FGF13: variants seen among roughly 807,000 people sequenced by gnomAD.
FGF13 encodes fibroblast growth factor 13, also known as fibroblast growth factor homologous factor 2.
In FGF13, 2 loss-of-function variants were observed where a neutral mutation model predicts 19.5. The observed-to-expected ratio is 0.10, with a 90% CI of 0.04 to 0.32. The LOEUF is 0.32. Among genes scored for constraint, FGF13 ranks in the 10% least tolerant of loss-of-function variants. The pLI, the probability that FGF13 is intolerant of heterozygous loss-of-function variation, is 1.00. For synonymous variants in FGF13, 72 were observed against 76.9 expected (o/e 0.94, Z 0.33); for missense variants, 113 against 192.7 (o/e 0.59, Z 2.45).
At chrX:138,739,106 C>T (rs2090301353) in intron 1 of FGF13, 1 of 431,314 alleles carries the variant, frequency 2.3e-6, no homozygotes, top group Admixed American at 3.9e-5. Context: ...TCAAGAACCC[C>T]TGTCCCATCC....
At chrX:139,143,856 C>G (rs2083866148) in intron 1 of FGF13, among the ~76,000 whole-genome samples, 1 of 111,722 alleles carries the variant, frequency 9.0e-6, no homozygotes, top group Non-Finnish European at 1.9e-5. Flanking sequence ...TACATACTAG[C>G]TGATCACATA....
chrX:139,057,946 T>C (rs2092324937), intron 1 of FGF13, among the ~76,000 whole-genome samples: 1 of 111,960 alleles, frequency 8.9e-6, no homozygotes, highest in Non-Finnish European at 1.9e-5. Context: ...TCTTTCTTTA[T>C]ATGGGTGCTG....
intron 1 of FGF13, among the ~76,000 whole-genome samples, chrX:139,022,888 T>C: frequency 9.0e-6 from 1 of 111,706 alleles, no homozygotes; most frequent in Non-Finnish European, 1.9e-5. Context: ...TCTAGTGATG[T>C]TACTTTTCAG....
chrX:138,903,619 C>T (rs1350312880), intron 1 of FGF13, among the ~76,000 whole-genome samples: 1 of 111,515 alleles, frequency 9.0e-6, no homozygotes, highest in African/African-American at 3.3e-5. Context: ...TAGCTCCACA[C>T]CCATGATCTT....
chrX:138,992,448 C>A (rs917702672), intron 1 of FGF13, among the ~76,000 whole-genome samples: 6 of 110,657 alleles, frequency 5.4e-5, no homozygotes, highest in African/African-American at 2.0e-4. Context: ...AGGAAATCAC[C>A]CATATTTTCT....
intron 3 of FGF13, among the ~76,000 whole-genome samples, chrX:138,665,270 G>A (rs1163507405): frequency 9.0e-6 from 1 of 111,195 alleles, no homozygotes; most frequent in African/African-American, 3.3e-5. Context: ...AAGTATCATA[G>A]GGATTCCACG....
At chrX:138,936,146 G>A (rs955559819) in intron 1 of FGF13, among the ~76,000 whole-genome samples, 13 of 112,480 alleles carry the variant, frequency 1.2e-4, no homozygotes, top group South Asian at 7.5e-4. Context: ...CTCTTGGGGC[G>A]AAGGCCCCAC....
chrX:139,064,805 A>G (rs1037000357), intron 1 of FGF13, among the ~76,000 whole-genome samples: 14 of 111,691 alleles, frequency 1.3e-4, no homozygotes, highest in African/African-American at 4.6e-4. Flanking sequence ...TTTCAGGAAC[A>G]CCAATCAAAT....
intron 3 of FGF13, among the ~76,000 whole-genome samples, chrX:138,782,415 C>T (rs1316571113): frequency 9.0e-6 from 1 of 110,686 alleles, no homozygotes; most frequent in Admixed American, 9.6e-5. Flanking sequence ...TAGAAAACCC[C>T]ATTGTCTCAG....
At chrX:139,111,661 GCTAT>G (rs1443811136) in intron 1 of FGF13, among the ~76,000 whole-genome samples, 2 of 111,512 alleles carry the variant, frequency 1.8e-5, no homozygotes, top group African/African-American at 3.3e-5. Context: ...GTTTATGAAT[GCTAT>G]CTATTTCTAG....
At chrX:138,692,714 G>GTGTGTA (rs1261379117) in intron 3 of FGF13, among the ~76,000 whole-genome samples, 2 of 108,724 alleles carry the variant, frequency 1.8e-5, no homozygotes, top group Non-Finnish European at 3.9e-5. Context: ...GTGTGTGCAT[G>GTGTGTA]TGTGTATGTG....
At chrX:138,759,378 T>C (rs1326322779) in intron 3 of FGF13, among the ~76,000 whole-genome samples, 2 of 112,463 alleles carry the variant, frequency 1.8e-5, no homozygotes, top group Non-Finnish European at 3.8e-5. Flanking sequence ...AGGGAGCTAT[T>C]TATAGTAAGC....
chrX:139,167,850 T>C (rs750328640), intron 1 of FGF13, among the ~76,000 whole-genome samples: 3 of 112,395 alleles, frequency 2.7e-5, no homozygotes, highest in Non-Finnish European at 5.6e-5. Context: ...AGGACTCCTT[T>C]CAAACAGTAA....
intron 3 of FGF13, among the ~76,000 whole-genome samples, chrX:138,676,360 G>T (rs1394517810): frequency 9.0e-6 from 1 of 111,052 alleles, no homozygotes; most frequent in Non-Finnish European, 1.9e-5. Flanking sequence ...TAAGTTTAGG[G>T]GCCATTCAGG....
chrX:139,156,299 A>C (rs1333756744), intron 1 of FGF13, among the ~76,000 whole-genome samples: 1 of 111,479 alleles, frequency 9.0e-6, no homozygotes, highest in African/African-American at 3.3e-5. Context: ...CTCACATTCT[A>C]TGGGGACAGG....
At chrX:138,907,671 T>C (rs1348835176) in intron 1 of FGF13, among the ~76,000 whole-genome samples, 1 of 111,850 alleles carries the variant, frequency 8.9e-6, no homozygotes, top group Non-Finnish European at 1.9e-5. Flanking sequence ...TTGAGACACC[T>C]CTGTCTAGCA....
intron 3 of FGF13, among the ~76,000 whole-genome samples, chrX:138,809,401 C>T (rs1459966293): frequency 9.0e-6 from 1 of 111,698 alleles, no homozygotes; most frequent in Non-Finnish European, 1.9e-5. Context: ...TACAGCCCTT[C>T]ATGCTAAAAA....
At chrX:138,771,165 C>A (rs2090542784) in intron 3 of FGF13, among the ~76,000 whole-genome samples, 1 of 111,642 alleles carries the variant, frequency 9.0e-6, no homozygotes, top group Non-Finnish European at 1.9e-5. Context: ...AATTAGCATG[C>A]ATCCTTGCTC....
intron 3 of FGF13, among the ~76,000 whole-genome samples, chrX:138,818,097 T>C: frequency 9.0e-6 from 1 of 111,442 alleles, no homozygotes. Context: ...CCTAGAATCC[T>C]CAAAGGTACT....
Sources: gnomAD v4.1 joint callset for allele counts (sites outside exome capture counted in the v4.1 genomes callset) on GRCh38, gnomAD v4.1.1 for gene constraint, MANE v1.5 for transcripts, NCBI Gene and HGNC (gene_info 2026-07-23, HGNC 2026-07-21) for gene names.